Variants in TOR3A observed in about 807,000 individuals in gnomAD.
The protein encoded by TOR3A is torsin family 3 member A, also known as torsin-3A.
In TOR3A, 44 loss-of-function variants were observed where a neutral mutation model predicts 42.1. That is an observed-to-expected ratio of 1.04 (90% CI 0.82 to 1.34). The LOEUF is 1.34. TOR3A is among the 40% of genes most tolerant of loss of function. The pLI is 0.00. For synonymous variants in TOR3A, 227 were observed against 213.2 expected (o/e 1.06, Z -0.57); for missense variants, 521 against 507.6 (o/e 1.03, Z -0.25).
intron 1 of TOR3A, 35 bp downstream of exon 1, chr1:179,082,422 C>T: frequency 1.9e-6 from 3 of 1,572,888 alleles, no homozygotes; most frequent in African/African-American, 1.4e-5. Flanking sequence ...CCGTTCGCTG[C>T]GGAGCAGAGT....
Position 179,083,590 on chromosome 1 carries a change from G to A in TOR3A, c.373+537G>A, listed in dbSNP as rs1299131202. Among the ~76,000 whole-genome samples the A allele has an allele frequency of 1.9e-3, 10 of 5,376 alleles. No individual in the cohort carries two copies. The East Asian group carries it at 0.039, about 21-fold the overall frequency. 3.5% of individuals were successfully genotyped at this position (5,376 alleles called of 152,430 possible). A position where few individuals can be genotyped will look rare whatever the true frequency, so the allele number is the denominator to read the frequency against. On this transcript the variant is annotated intron_variant, in intron 2 of 5. Transcript: ENST00000367627. ...GTATTTTTAGTAGAGGCGGGGGGGG[G>A]GGGGGGGGGCGGGTTTCACCATGTT...
intron 3 of TOR3A, among the ~76,000 whole-genome samples, chr1:179,087,702 G>T (rs987866570): frequency 2.6e-5 from 4 of 151,924 alleles, no homozygotes; most frequent in African/African-American, 9.7e-5. Flanking sequence ...TCAACCCTCA[G>T]GGTGCTTGAG....
chr1:179,087,094 TCA>T (rs1423586616), intron 3 of TOR3A, among the ~76,000 whole-genome samples: 1 of 152,226 alleles, frequency 6.6e-6, no homozygotes, highest in Non-Finnish European at 1.5e-5. Flanking sequence ...GCCCTGCACC[TCA>T]CACTTTCCCC....
At chr1:179,086,705 T>C (rs1214726990) in intron 3 of TOR3A, among the ~76,000 whole-genome samples, 1 of 151,718 alleles carries the variant, frequency 6.6e-6, no homozygotes. Flanking sequence ...TATCCTATCT[T>C]ACCTGATTTT....
At position 179,085,738 on chromosome 1, in the gene TOR3A, GCT is replaced by G. The variant is rs1652418052; in HGVS notation, c.487_488del (p.Leu163ValfsTer29). 6.2e-7 allele frequency: 1 copy of G among 1,614,224 alleles called. No individual in the cohort carries two copies. Among genetic ancestry groups the G allele is most frequent in the South Asian group, 1.1e-5 (1 of 91,086 alleles). ...LETPQPEKAL[A>X]LSFHGWSGTG... Reference sequence around the variant, plus strand: ...GACGCCCCAGCCAGAAAAGGCCCTTGCTCTGTCGTTCCACGGCTGGTCTGGCA... The same window carrying G: ...GACGCCCCAGCCAGAAAAGGCCCTTGCTGTCGTTCCACGGCTGGTCTGGCA... On this transcript the variant is annotated frameshift_variant, in exon 3 of 6. Coordinates refer to ENST00000367627, the MANE Select transcript of TOR3A (RefSeq NM_022371.4). LOFTEE classifies it high-confidence loss of function.
In TOR3A at chr1:179,086,242, G is replaced by A. The variant is rs145648421; in HGVS notation, c.639+349G>A. Among the ~76,000 whole-genome samples, 709 of 152,322 alleles carry A rather than the reference G, an allele frequency of 4.7e-3. 4 individuals carry two copies. Among genetic ancestry groups the A allele is most frequent in the African/African-American group, 0.015 (643 of 41,566 alleles). ...GCAAAAACTGTCAGACTCTCCACAC[G>A]GACACACCCTTGTCAGCTAAGGAGA... On this transcript the variant is annotated intron_variant, in intron 3 of 5. Coordinates refer to ENST00000367627, the MANE Select transcript of TOR3A (RefSeq NM_022371.4).
chr1:179,095,375 T>G lies in TOR3A; in HGVS notation c.*157T>G. The G allele has an allele frequency of 1.3e-6, 2 of 1,488,458 alleles. No individual in the cohort carries two copies. The highest frequency in any genetic ancestry group is 4.8e-5 in the Admixed American group (2 of 41,728). 92.2% of individuals were successfully genotyped at this position (1,488,458 alleles called of 1,614,324 possible). On this transcript the variant is annotated 3_prime_UTR_variant, in exon 6 of 6. Transcript: ENST00000367627. ...ACAACTGGTGTGTAAAAGGCAGGCCTTACATTAGAAGCCAAGCCAATCCTT... is the reference window on the plus strand; with the variant it reads ...ACAACTGGTGTGTAAAAGGCAGGCCGTACATTAGAAGCCAAGCCAATCCTT...
At chr1:179,092,115 A>T (rs1652605947) in intron 4 of TOR3A, among the ~76,000 whole-genome samples, 1 of 152,212 alleles carries the variant, frequency 6.6e-6, no homozygotes, top group Non-Finnish European at 1.5e-5. Flanking sequence ...TAGCTAGACA[A>T]CTTGGCTGTC....
chr1:179,088,020 C>CTTAGA lies in TOR3A; in HGVS notation c.749_750insTTAGA (p.His251Ter). ...CCAGGGCTGCTGGAGGTCCTTGGGC[C>CTTAGA]ACACTTAGAACGCCGGGCCCCTGAG... is the stretch of plus-strand genomic sequence containing the variant. On this transcript the variant is annotated stop_gained and frameshift_variant, in exon 4 of 6. Coordinates refer to ENST00000367627, the MANE Select transcript of TOR3A (RefSeq NM_022371.4). LOFTEE classifies it high-confidence loss of function. 2 of 1,613,574 alleles carry CTTAGA rather than the reference C, an allele frequency of 1.2e-6. No homozygotes were observed. Among genetic ancestry groups the CTTAGA allele is most frequent in the South Asian group, 2.2e-5 (2 of 91,040 alleles).
intron 4 of TOR3A, among the ~76,000 whole-genome samples, chr1:179,089,764 C>T (rs866659413): frequency 2.9e-4 from 44 of 152,142 alleles, no homozygotes; most frequent in African/African-American, 7.7e-4. Context: ...GTCCTTCCCA[C>T]GGCACGGAGC....
rs540521202 is a variant in TOR3A, at chr1:179,095,066, C to T, written c.1042C>T (p.Arg348Trp). The change falls in exon 6 of 6, where the codon CGG becomes TGG. Residue 348 changes from arginine to tryptophan, a missense_variant. Transcript: ENST00000367627. ...LEYRHVRLCA[R>W]DAFLSQELLY... ...GTACCGTCACGTGAGGCTGTGTGCACGGGATGCCTTCCTGAGCCAGGAGCT... is the reference window on the plus strand; with the variant it reads ...GTACCGTCACGTGAGGCTGTGTGCATGGGATGCCTTCCTGAGCCAGGAGCT... The T allele has an allele frequency of 5.0e-6, 8 of 1,614,160 alleles. No homozygotes were observed. In the African/African-American group the frequency reaches 6.7e-5, roughly 13 times the overall value.
chr1:179,090,179 C>T (rs933521365), intron 4 of TOR3A, among the ~76,000 whole-genome samples: 3 of 152,178 alleles, frequency 2.0e-5, no homozygotes, highest in African/African-American at 7.2e-5. Context: ...GGGGAGGTCC[C>T]CCAGGAGCCT....
At position 179,095,831 on chromosome 1, in the gene TOR3A, A is replaced by G; in HGVS notation, c.*613A>G. On this transcript the variant is annotated 3_prime_UTR_variant, in exon 6 of 6. Transcript: ENST00000367627. ...AGCCAAGAGCCTGAGGCTGAAGGGAAAAGTACACAGAGGAAGATATTTTAC... is the reference window on the plus strand; with the variant it reads ...AGCCAAGAGCCTGAGGCTGAAGGGAGAAGTACACAGAGGAAGATATTTTAC... 2 of 986,778 alleles carry G rather than the reference A, an allele frequency of 2.0e-6. No individual in the cohort carries two copies. The highest frequency in any genetic ancestry group is 2.4e-6 in the Non-Finnish European group (2 of 831,050). The allele number at this position is 986,778 out of a possible 1,614,324, so 61.1% of individuals were successfully genotyped here.
At chr1:179,088,943 C>T (rs575344555) in intron 4 of TOR3A, among the ~76,000 whole-genome samples, 4 of 152,288 alleles carry the variant, frequency 2.6e-5, no homozygotes, top group South Asian at 4.1e-4. Flanking sequence ...ACTCCGGCCT[C>T]GCCTTCCCCA....
At chr1:179,094,919 T>TAGGTTCAGTCCTAGGTCAGACTCCATGTA in intron 5 of TOR3A, 49 bp from the exon 6 acceptor site, 3 of 1,587,264 alleles carry the variant, frequency 1.9e-6, no homozygotes, top group Non-Finnish European at 2.6e-6. Flanking sequence ...AAATTCCAGC[T>TAGGTTCAGTCCTAGGTCAGACTCCATGTA]AGGTTCAGTC....
chr1:179,091,400 G>C (rs1233842906), intron 4 of TOR3A, among the ~76,000 whole-genome samples: 3 of 152,224 alleles, frequency 2.0e-5, no homozygotes, highest in Admixed American at 2.0e-4. Flanking sequence ...CTGAAGATGG[G>C]AGGGGCGGCG....
In TOR3A at chr1:179,095,148, A is replaced by G. The variant is rs750353373; in HGVS notation, c.1124A>G (p.Lys375Arg). The change falls in exon 6 of 6, where the codon AAG becomes AGG. Residue 375 changes from lysine (K) to arginine (R), a missense_variant. Coordinates refer to ENST00000367627, the MANE Select transcript of TOR3A (RefSeq NM_022371.4). Reference protein sequence around the residue: ...EIAQMMVYVPKEEQLFSSQGC... With the variant: ...EIAQMMVYVPREEQLFSSQGC... ...GCCCAGATGATGGTGTATGTCCCCA[A>G]GGAGGAACAACTCTTTTCTTCCCAG... The G allele has an allele frequency of 8.7e-6, 14 of 1,614,088 alleles. No homozygotes were observed. The highest frequency in any genetic ancestry group is 1.1e-5 in the Non-Finnish European group (13 of 1,180,050).
chr1:179,087,069 A>G (rs2102543166), intron 3 of TOR3A, among the ~76,000 whole-genome samples: 1 of 152,276 alleles, frequency 6.6e-6, no homozygotes, highest in Admixed American at 6.5e-5. Flanking sequence ...TGCTGTGAAA[A>G]CTGGCATGTG....
At chr1:179,091,221 G>T (rs1170062812) in intron 4 of TOR3A, among the ~76,000 whole-genome samples, 1 of 152,172 alleles carries the variant, frequency 6.6e-6, no homozygotes, top group African/African-American at 2.4e-5. Flanking sequence ...CCCTGGCAGG[G>T]GCTGGAGACG....
Sources: gnomAD v4.1 joint callset for allele counts (sites outside exome capture counted in the v4.1 genomes callset) on GRCh38, gnomAD v4.1.1 for gene constraint, MANE v1.5 for transcripts, NCBI Gene and HGNC (gene_info 2026-07-23, HGNC 2026-07-21) for gene names.